The following RSRC1 variants were observed in gnomAD, a reference collection of about 807,000 sequenced individuals.
RSRC1 encodes the protein serine/Arginine-related protein 53.
In RSRC1, 39 loss-of-function variants were observed where a neutral mutation model predicts 49.1. The ratio of observed to expected loss-of-function variants is 0.79; its 90% CI spans 0.61 to 1.04. RSRC1 has a LOEUF of 1.04. RSRC1 is among the 50% of genes least tolerant of loss of function. The probability of loss-of-function intolerance (pLI) is 0.00; values close to 1 mark genes in which losing one functional copy is unlikely to be tolerated. For synonymous variants in RSRC1, 143 were observed against 130.8 expected (o/e 1.09, Z -0.63); for missense variants, 388 against 402.4 (o/e 0.96, Z 0.31).
At chr3:158,391,741 A>C (rs932195928) in intron 6 of RSRC1, among the ~76,000 whole-genome samples, 1 of 152,140 alleles carries the variant, frequency 6.6e-6, no homozygotes, top group Non-Finnish European at 1.5e-5. Context: ...ATAAAGAAGC[A>C]AGAAAAATAA....
Position 158,111,994 on chromosome 3 carries a change from T to C in RSRC1, c.-3+1771T>C, listed in dbSNP as rs552968918. On this transcript the variant is annotated intron_variant, in intron 1 of 9. Transcript: ENST00000611884. ...AAGATATTTCTGTAAATTGATCTCC[T>C]CCTGTAGTCATTACATGCCATGGCT... Among the ~76,000 whole-genome samples, 3 of 152,340 alleles carry C rather than the reference T, an allele frequency of 2.0e-5. No individual in the cohort carries two copies. The East Asian group carries it at 5.8e-4, about 29-fold the overall frequency.
chr3:158,356,870 A>G (rs1238764324), intron 6 of RSRC1, among the ~76,000 whole-genome samples: 2 of 152,114 alleles, frequency 1.3e-5, no homozygotes, highest in Non-Finnish European at 2.9e-5. Context: ...ATGATTTTGA[A>G]GCACATTAGA....
chr3:158,202,583 T>TATATA (rs1359595103), intron 3 of RSRC1, among the ~76,000 whole-genome samples: 10 of 140,436 alleles, frequency 7.1e-5, no homozygotes, highest in South Asian at 2.2e-4. Flanking sequence ...TATATATATG[T>TATATA]TTTATCAATA....
chr3:158,212,514 C>T (rs996821343), intron 4 of RSRC1, among the ~76,000 whole-genome samples: 6 of 151,838 alleles, frequency 4.0e-5, no homozygotes, highest in Non-Finnish European at 7.4e-5. Context: ...ATTAAAATTC[C>T]AGTCCTGATT....
chr3:158,294,860 G>T (rs1167642030), intron 4 of RSRC1, among the ~76,000 whole-genome samples: 1 of 152,100 alleles, frequency 6.6e-6, no homozygotes, highest in Non-Finnish European at 1.5e-5. Flanking sequence ...AGATAGAGTG[G>T]GGCTGAATAG....
Position 158,194,054 on chromosome 3 carries a change from TACACACACACAC to T in RSRC1, c.321-8980_321-8969del, listed in dbSNP as rs10530687. Among the ~76,000 whole-genome samples the T allele has an allele frequency of 9.7e-3, 1,399 of 144,146 alleles. 28 individuals carry two copies. Among genetic ancestry groups the T allele is most frequent in the African/African-American group, 0.032 (1,233 of 38,182 alleles). The allele number at this position is 144,146 out of a possible 152,430, so 94.6% of individuals were successfully genotyped here. A position where few individuals can be genotyped will look rare whatever the true frequency, so the allele number is the denominator to read the frequency against. ...GGGCAAAATAGTGAGACCCCGTCTA[TACACACACACAC>T]ACACACACACACACACACACACACA... On this transcript the variant is annotated intron_variant, in intron 3 of 9. Transcript: ENST00000611884.
At chr3:158,529,965 C>G (rs1383772329) in intron 7 of RSRC1, among the ~76,000 whole-genome samples, 1 of 151,842 alleles carries the variant, frequency 6.6e-6, no homozygotes, top group East Asian at 2.0e-4. Context: ...TGGTAAAATT[C>G]AGCTGGGCCT....
chr3:158,120,691 A>G (rs1243946868), intron 1 of RSRC1, among the ~76,000 whole-genome samples: 1 of 147,426 alleles, frequency 6.8e-6, no homozygotes, highest in East Asian at 1.9e-4. Flanking sequence ...TATATTTTAT[A>G]TATATATAAA....
intron 3 of RSRC1, among the ~76,000 whole-genome samples, chr3:158,179,124 T>G (rs1719435294): frequency 6.6e-6 from 1 of 152,246 alleles, no homozygotes; most frequent in Non-Finnish European, 1.5e-5. Context: ...CTTATTGTTT[T>G]ATCTTGTCTA....
chr3:158,509,757 T>G (rs1249353527), intron 7 of RSRC1, among the ~76,000 whole-genome samples: 1 of 152,234 alleles, frequency 6.6e-6, no homozygotes, highest in Non-Finnish European at 1.5e-5. Flanking sequence ...GTGATAGTAC[T>G]GTCTATAGTT....
intron 4 of RSRC1, among the ~76,000 whole-genome samples, chr3:158,274,735 T>C (rs1725709818): frequency 2.0e-5 from 3 of 152,212 alleles, no homozygotes; most frequent in Non-Finnish European, 2.9e-5. Context: ...GGTGGTATAC[T>C]TTCACTGAAA....
At chr3:158,429,571 T>G (rs1186300482) in intron 6 of RSRC1, among the ~76,000 whole-genome samples, 1 of 147,622 alleles carries the variant, frequency 6.8e-6, no homozygotes, top group Non-Finnish European at 1.5e-5. Context: ...ATTCAGCTAT[T>G]TTATCTAAAA....
chr3:158,215,389 G>A (rs1381264445), intron 4 of RSRC1, among the ~76,000 whole-genome samples: 1 of 149,284 alleles, frequency 6.7e-6, no homozygotes, highest in African/African-American at 2.5e-5. Flanking sequence ...AAGTCCTCCT[G>A]CCTTGGCCTC....
At chr3:158,493,940 CAAGGAAGT>C (rs1739199987) in intron 7 of RSRC1, among the ~76,000 whole-genome samples, 1 of 151,896 alleles carries the variant, frequency 6.6e-6, no homozygotes, top group African/African-American at 2.4e-5. Flanking sequence ...TATAAATATC[CAAGGAAGT>C]AAAAACAAGA....
At chr3:158,318,348 G>T (rs1385776456) in intron 5 of RSRC1, among the ~76,000 whole-genome samples, 1 of 152,126 alleles carries the variant, frequency 6.6e-6, no homozygotes, top group Non-Finnish European at 1.5e-5. Context: ...ACCATCCTGG[G>T]CAATATGGTG....
At chr3:158,337,733 G>A (rs1227860344) in intron 5 of RSRC1, among the ~76,000 whole-genome samples, 1 of 152,008 alleles carries the variant, frequency 6.6e-6, no homozygotes, top group Non-Finnish European at 1.5e-5. Flanking sequence ...TCTCATCCTG[G>A]CTGCACCTTA....
At chr3:158,404,803 G>A (rs991330122) in intron 6 of RSRC1, among the ~76,000 whole-genome samples, 1 of 151,828 alleles carries the variant, frequency 6.6e-6, no homozygotes, top group Non-Finnish European at 1.5e-5. Context: ...ACATGAATAC[G>A]GGTTGATTAC....
intron 6 of RSRC1, among the ~76,000 whole-genome samples, chr3:158,456,152 A>T (rs1380633614): frequency 6.6e-6 from 1 of 151,992 alleles, no homozygotes; most frequent in Non-Finnish European, 1.5e-5. Flanking sequence ...AAAATAATAT[A>T]CATGTGTTTT....
intron 6 of RSRC1, among the ~76,000 whole-genome samples, chr3:158,454,908 G>A (rs931077174): frequency 3.9e-5 from 6 of 151,924 alleles, no homozygotes; most frequent in African/African-American, 1.5e-4. Flanking sequence ...GACTTTTAGG[G>A]GTCAGTAATT....
Sources: allele counts gnomAD v4.1 joint callset (sites outside exome capture counted in the v4.1 genomes callset), GRCh38; gene constraint gnomAD v4.1.1; transcripts MANE v1.5; gene names NCBI Gene and HGNC (gene_info 2026-07-23, HGNC 2026-07-21).